SYTL2: variants seen among roughly 807,000 people sequenced by gnomAD.
SYTL2 encodes the protein synaptotagmin-like protein 2.
A neutral mutation model predicts 198.7 loss-of-function variants in SYTL2; 165 were observed. The ratio of observed to expected loss-of-function variants is 0.83; its 90% CI spans 0.73 to 0.94. The LOEUF (loss-of-function observed/expected upper bound fraction) is 0.94. Ranked by LOEUF, SYTL2 falls within the 40% of genes least tolerant of loss-of-function variation. SYTL2 has a pLI of 0.00. For missense variants in SYTL2, 2,835 were observed against 2,582.8 expected (o/e 1.10, Z -2.12); for synonymous variants, 966 against 917.7 (o/e 1.05, Z -0.95).
At chr11:85,850,854 T>C in the SYTL2 span, among the ~76,000 whole-genome samples, 4 of 149,492 alleles carry the variant, frequency 2.7e-5, no homozygotes, top group Non-Finnish European at 4.5e-5. Flanking sequence ...CCATAAAAAA[T>C]GATGAGTTCA....
chr11:85,837,401 C>T, the SYTL2 span, among the ~76,000 whole-genome samples: 1 of 152,160 alleles, frequency 6.6e-6, no homozygotes, highest in Non-Finnish European at 1.5e-5. Flanking sequence ...AAGGAGGCAG[C>T]CATCTGTAAG....
the SYTL2 span, among the ~76,000 whole-genome samples, chr11:85,833,090 AGAAAGAAAGAAGGAAG>A: frequency 9.1e-4 from 36 of 39,488 alleles, no homozygotes; most frequent in East Asian, 5.7e-3. Flanking sequence ...AAAGAAAGAA[AGAAAGAAAGAAGGAAG>A]GAAGGAAGGA....
the SYTL2 span, among the ~76,000 whole-genome samples, chr11:85,845,679 T>C: frequency 5.3e-5 from 8 of 151,972 alleles, no homozygotes; most frequent in Non-Finnish European, 7.4e-5. Flanking sequence ...GAGGCCGAGG[T>C]GGGCGGATCA....
rs1451167377 is a variant in SYTL2 at position 85,748,295 on chromosome 11, C to T, written c.230G>A (p.Arg77Lys). 3 of 1,613,552 alleles carry T rather than the reference C, an allele frequency of 1.9e-6. No individual in the cohort carries two copies. Among genetic ancestry groups the T allele is most frequent in the Admixed American group, 3.3e-5 (2 of 59,976 alleles). ...ACCTGCTATCTGGGGCCTCTTCTTT[C>T]TCATAGATGCTCTGATGATATCTGC... ...HGADIIRASM[R>K]KKRPQIAAEQ... Residue 77 changes from arginine to lysine, a missense_variant, in exon 3 of 20, where the codon AGA becomes AAA. Arg to Lys is a conservative substitution (Grantham distance 26). Transcript: ENST00000359152.
In SYTL2 at chr11:85,724,270, C is replaced by T. The variant is rs202245616; in HGVS notation, c.5088G>A (p.Gly1696=). 31 of 1,563,998 alleles carry T rather than the reference C, an allele frequency of 2.0e-5. No individual in the cohort carries two copies. The South Asian group carries it at 2.3e-4, about 12-fold the overall frequency. ...DSESGVAGGQ[G]TLQEPGFGEA... ...CTCCAAAGCCAGGTTCCTGAAGAGT[C>T]CCTTGTCCCCCTGCAACCCCACTTT... Residue 1696 remains glycine, a synonymous_variant, in exon 8 of 20, where the codon GGG becomes GGA. Coordinates refer to ENST00000359152, the MANE Select transcript of SYTL2 (RefSeq NM_206927.4).
intron 2 of SYTL2, among the ~76,000 whole-genome samples, chr11:85,748,677 A>T (rs1353893338): frequency 6.6e-6 from 1 of 152,250 alleles, no homozygotes; most frequent in Non-Finnish European, 1.5e-5. Context: ...TCTCAAGAGC[A>T]GATTCACTTT....
chr11:85,738,817 G>T (rs1464391210), intron 4 of SYTL2, among the ~76,000 whole-genome samples: 1 of 152,098 alleles, frequency 6.6e-6, no homozygotes, highest in Non-Finnish European at 1.5e-5. Context: ...ATGGTTGGGG[G>T]TCTCTGTGGA....
intron 18 of SYTL2, among the ~76,000 whole-genome samples, chr11:85,697,201 C>T (rs2083527299): frequency 6.6e-6 from 1 of 151,512 alleles, no homozygotes; most frequent in African/African-American, 2.4e-5. Context: ...ATATATGTCA[C>T]ATATATATTT....
At chr11:85,717,743 G>C (rs1444987737) in intron 10 of SYTL2, 2 of 591,736 alleles carry the variant, frequency 3.4e-6, no homozygotes, top group Non-Finnish European at 6.4e-6. Flanking sequence ...TCAAACAAAA[G>C]AGATACGGAG....
intron 1 of SYTL2, among the ~76,000 whole-genome samples, chr11:85,795,923 G>C (rs993353724): frequency 2.0e-5 from 3 of 152,174 alleles, no homozygotes; most frequent in Non-Finnish European, 4.4e-5. Flanking sequence ...CACAAGCACA[G>C]AGCATACACA....
chr11:85,804,335 C>T (rs1254821956), intron 1 of SYTL2, among the ~76,000 whole-genome samples: 1 of 152,116 alleles, frequency 6.6e-6, no homozygotes, highest in Non-Finnish European at 1.5e-5. Context: ...ATTTCATGAA[C>T]AGTAGAGCAG....
intron 1 of SYTL2, among the ~76,000 whole-genome samples, chr11:85,788,247 G>A (rs11604141): frequency 0.23 from 35,083 of 152,162 alleles, 4,447 homozygotes; most frequent in South Asian, 0.34. Flanking sequence ...GATACTGAGA[G>A]AGGTGACATT....
chr11:85,849,083 C>T, the SYTL2 span, among the ~76,000 whole-genome samples: 7 of 152,306 alleles, frequency 4.6e-5, no homozygotes, highest in South Asian at 2.1e-4. Flanking sequence ...TGACAATGGA[C>T]GTTGGGTTAA....
At chr11:85,696,146 T>G (rs1488435988) in intron 19 of SYTL2, 37 bp downstream of exon 19, 2 of 1,581,340 alleles carry the variant, frequency 1.3e-6, no homozygotes, top group Non-Finnish European at 1.7e-6. Flanking sequence ...CTAGAAAAAT[T>G]TGGCTCATGG....
At chr11:85,751,937 A>G (rs1166721935) in intron 2 of SYTL2, among the ~76,000 whole-genome samples, 1 of 152,236 alleles carries the variant, frequency 6.6e-6, no homozygotes, top group Non-Finnish European at 1.5e-5. Context: ...TTCTATCTAC[A>G]GCCCTAACTG....
chr11:85,707,879 G>A lies in SYTL2; in HGVS notation c.5916-348C>T, dbSNP rs138493674. On this transcript the variant is annotated intron_variant, in intron 14 of 19. Coordinates refer to ENST00000359152, the MANE Select transcript of SYTL2 (RefSeq NM_206927.4). ...AATCCCAGCACTCTGGGAGGCCAAG[G>A]TGAGCAGATCACCTGAGGTCGGGAG... Among the ~76,000 whole-genome samples, 23 of 147,852 alleles carry A rather than the reference G, an allele frequency of 1.6e-4. No individual in the cohort carries two copies. The Admixed American group carries it at 1.6e-3, about 10-fold the overall frequency.
At chr11:85,822,425 T>C in the SYTL2 span, among the ~76,000 whole-genome samples, 2 of 152,232 alleles carry the variant, frequency 1.3e-5, no homozygotes, top group Admixed American at 1.3e-4. Flanking sequence ...AGAACCTGTC[T>C]TGAATCCCTG....
chr11:85,809,624 T>A (rs977055032), intron 1 of SYTL2, among the ~76,000 whole-genome samples: 3 of 152,242 alleles, frequency 2.0e-5, no homozygotes, highest in Non-Finnish European at 4.4e-5. Flanking sequence ...GGAAGCAATC[T>A]TTCTGAGCCT....
chr11:85,783,345 C>A (rs2092591426), intron 1 of SYTL2, among the ~76,000 whole-genome samples: 1 of 152,094 alleles, frequency 6.6e-6, no homozygotes, highest in Non-Finnish European at 1.5e-5. Flanking sequence ...AGGTAACCAC[C>A]CCCATGATTC....
Sources: gnomAD v4.1 joint callset for allele counts (sites outside exome capture counted in the v4.1 genomes callset) on GRCh38, gnomAD v4.1.1 for gene constraint, MANE v1.5 for transcripts, NCBI Gene and HGNC (gene_info 2026-07-23, HGNC 2026-07-21) for gene names.